The following CD109 variants were observed in gnomAD, a reference collection of about 807,000 sequenced individuals.
The protein encoded by CD109 is CD109 antigen.
In CD109, 149 loss-of-function variants were observed where a neutral mutation model predicts 165.8. The observed-to-expected ratio is 0.90, with a 90% CI of 0.79 to 1.03. CD109 has a LOEUF of 1.03. Among genes scored for constraint, CD109 ranks in the 50% least tolerant of loss-of-function variants. CD109 has a pLI of 0.00. For missense variants in CD109, 1,712 were observed against 1,677.8 expected (o/e 1.02, Z -0.36); for synonymous variants, 585 against 592.1 (o/e 0.99, Z 0.18).
intron 6 of CD109, 79 bp downstream of exon 6, chr6:73,756,761 G>A: frequency 2.0e-6 from 2 of 1,000,372 alleles, no homozygotes; most frequent in Non-Finnish European, 2.9e-6. Context: ...TTTAAGAGAT[G>A]TATTATTTGA....
At chr6:73,681,951 A>G in the CD109 span, among the ~76,000 whole-genome samples, 1 of 152,228 alleles carries the variant, frequency 6.6e-6, no homozygotes, top group South Asian at 2.1e-4. Flanking sequence ...CTTATTCACT[A>G]TCATGAGAAC....
At chr6:73,694,014 T>G (rs971097366), upstream of CD109, 1 of 152,046 alleles carries the variant, frequency 6.6e-6, no homozygotes, top group African/African-American at 2.4e-5. Context: ...GTCTCCTGAG[T>G]AGCTCGGATT....
At chr6:73,751,075 TC>T (rs1328793663) in intron 5 of CD109, among the ~76,000 whole-genome samples, 2 of 152,168 alleles carry the variant, frequency 1.3e-5, no homozygotes, top group Non-Finnish European at 2.9e-5. Flanking sequence ...TGCCTTTGAC[TC>T]CTCCAGACTG....
the CD109 span, among the ~76,000 whole-genome samples, chr6:73,685,748 C>CCT: frequency 6.6e-6 from 1 of 152,080 alleles, no homozygotes; most frequent in African/African-American, 2.4e-5. Context: ...CATTCTTATC[C>CCT]CTTTGCATCC....
intron 5 of CD109, among the ~76,000 whole-genome samples, chr6:73,743,072 AG>A (rs1772851929): frequency 6.6e-6 from 1 of 152,196 alleles, no homozygotes; most frequent in East Asian, 1.9e-4. Context: ...TGAATTCCTC[AG>A]CAGTGCTACT....
intron 5 of CD109, among the ~76,000 whole-genome samples, chr6:73,754,724 C>T (rs755878681): frequency 1.3e-5 from 2 of 152,038 alleles, no homozygotes; most frequent in African/African-American, 2.4e-5. Flanking sequence ...ATAAACTATG[C>T]GGGATATAAA....
Position 73,696,304 on chromosome 6 carries a change from G to A in CD109, c.74+15G>A. The A allele has an allele frequency of 7.1e-7, 1 of 1,414,682 alleles. No homozygotes were observed. Among genetic ancestry groups the A allele is most frequent in the Non-Finnish European group, 9.3e-7 (1 of 1,073,282 alleles). The allele number at this position is 1,414,682 out of a possible 1,614,324, so 87.6% of individuals were successfully genotyped here. A position where few individuals can be genotyped will look rare whatever the true frequency, so the allele number is the denominator to read the frequency against. ...GTGGCTCCCGGGTAGGAACGTGGGC[G>A]CGCGGGGGGCGCGCGGGCGCGCGGG... On this transcript the variant is annotated intron_variant, in intron 1 of 32. Transcript: ENST00000287097.
At chr6:73,786,984 T>A (rs762485443) in intron 20 of CD109, among the ~76,000 whole-genome samples, 1 of 151,892 alleles carries the variant, frequency 6.6e-6, no homozygotes, top group Non-Finnish European at 1.5e-5. Flanking sequence ...GAATTTAAAG[T>A]TAGTGGGAGG....
At position 73,818,555 on chromosome 6, in the gene CD109, G is replaced by GT. The variant is rs1378828898; in HGVS notation, c.4059+21dup. On this transcript the variant is annotated intron_variant, in intron 31 of 32. Coordinates refer to ENST00000287097, the MANE Select transcript of CD109 (RefSeq NM_133493.5). The stretch of plus-strand genomic sequence containing the variant: ...GATTCTGTAAGTAGTAAAACATAAG[G>GT]TAACTGTTGACAAAGCCACTGTGTT... 2 of 1,606,620 alleles carry GT rather than the reference G, an allele frequency of 1.2e-6. No homozygotes were observed. Among genetic ancestry groups the GT allele is most frequent in the African/African-American group, 2.7e-5 (2 of 74,592 alleles).
At position 73,766,822 on chromosome 6, in the gene CD109, A is replaced by T. The variant is rs910076029; in HGVS notation, c.1396A>T (p.Thr466Ser). 6.2e-7 allele frequency: 1 copy of T among 1,613,144 alleles called. No individual in the cohort carries two copies. Among genetic ancestry groups the T allele is most frequent in the African/African-American group, 1.3e-5 (1 of 74,996 alleles). The change falls in exon 12 of 33, where the codon ACA becomes TCA. Residue 466 changes from threonine (T) to serine (S), a missense_variant. Coordinates refer to ENST00000287097, the MANE Select transcript of CD109 (RefSeq NM_133493.5). ...VHSLFKSPSKTYIQLKTRDEN... is the reference protein window; with the variant it reads ...VHSLFKSPSKSYIQLKTRDEN... ...TAGTCTGTTTAAGTCTCCTAGTAAGACATACATCCAACTAAAAACAAGAGA... is the reference window on the plus strand; with the variant it reads ...TAGTCTGTTTAAGTCTCCTAGTAAGTCATACATCCAACTAAAAACAAGAGA...
chr6:73,717,846 C>T (rs1771801840), intron 2 of CD109, among the ~76,000 whole-genome samples: 1 of 151,740 alleles, frequency 6.6e-6, no homozygotes, highest in Admixed American at 6.6e-5. Context: ...GTCTCGATCT[C>T]CTGACCTCGT....
chr6:73,725,569 C>T (rs1252378508), intron 3 of CD109, among the ~76,000 whole-genome samples: 2 of 135,718 alleles, frequency 1.5e-5, no homozygotes, highest in Admixed American at 1.7e-4. Flanking sequence ...AGAGCAGTGG[C>T]GCGATCTCGG....
chr6:73,791,136 C>CATATATATATATAT (rs61429872), intron 22 of CD109, among the ~76,000 whole-genome samples: 6 of 56,344 alleles, frequency 1.1e-4, no homozygotes, highest in South Asian at 8.8e-4. Flanking sequence ...TACATACATA[C>CATATATATATATAT]ATATATATAT....
At chr6:73,783,399 A>C (rs1237666439) in intron 18 of CD109, among the ~76,000 whole-genome samples, 2 of 152,244 alleles carry the variant, frequency 1.3e-5, no homozygotes, top group African/African-American at 2.4e-5. Context: ...TTAAGTTTGA[A>C]AATGTGTATT....
rs1421213060 is a variant in CD109 at position 73,763,702 on chromosome 6, A to G, written c.1107+17A>G. The stretch of plus-strand genomic sequence containing the variant: ...ACAGCCACTGTAAGTTGGTATATTT[A>G]TTTCCAGTCCATAGCAGTAAGTTCA... On this transcript the variant is annotated intron_variant, in intron 10 of 32. Transcript: ENST00000287097. The G allele has an allele frequency of 7.7e-7, 1 of 1,296,468 alleles. No individual in the cohort carries two copies. Among genetic ancestry groups the G allele is most frequent in the African/African-American group, 1.5e-5 (1 of 68,450 alleles). 80.3% of individuals were successfully genotyped at this position (1,296,468 alleles called of 1,614,324 possible).
chr6:73,715,699 G>A (rs141831643), intron 2 of CD109, among the ~76,000 whole-genome samples: 1 of 152,204 alleles, frequency 6.6e-6, no homozygotes, highest in Admixed American at 6.5e-5. Flanking sequence ...AAACAGGCAT[G>A]CAATGTCAAC....
chr6:73,715,897 C>T (rs946035417), intron 2 of CD109, among the ~76,000 whole-genome samples: 4 of 152,180 alleles, frequency 2.6e-5, no homozygotes, highest in African/African-American at 7.2e-5. Flanking sequence ...TGCCCATTAA[C>T]CATCCTCACT....
Position 73,736,478 on chromosome 6 carries a change from T to C in CD109, c.603T>C (p.Leu201=), listed in dbSNP as rs772448471. The change falls in exon 5 of 33, where the codon CTT becomes CTC. Residue 201 remains leucine (L), a synonymous_variant. Coordinates refer to ENST00000287097, the MANE Select transcript of CD109 (RefSeq NM_133493.5). The part of the protein sequence containing the change: ...KTFQLSSHPI[L]GDWSIQVQVN... ...TTCAGCTATCTTCCCATCCAATACT[T>C]GGTGACTGGTCTATTCAAGTTCAAG... is the stretch of plus-strand genomic sequence containing the variant. 18 of 1,613,482 alleles carry C rather than the reference T, an allele frequency of 1.1e-5. No individual in the cohort carries two copies. In the South Asian group the frequency reaches 2.0e-4, roughly 18 times the overall value.
upstream of CD109, among the ~76,000 whole-genome samples, chr6:73,693,502 A>G (rs1562013631): frequency 6.6e-6 from 1 of 152,216 alleles, no homozygotes; most frequent in South Asian, 2.1e-4. Context: ...TGGGCGACAA[A>G]CATCCAAATG....
Sources: allele counts gnomAD v4.1 joint callset (sites outside exome capture counted in the v4.1 genomes callset), GRCh38; gene constraint gnomAD v4.1.1; transcripts MANE v1.5; gene names NCBI Gene and HGNC (gene_info 2026-07-23, HGNC 2026-07-21).